The following NEGR1 variants were observed in gnomAD, a reference collection of about 807,000 sequenced individuals.
NEGR1 encodes the protein neuronal growth regulator 1, also known as IgLON family member 4.
A neutral mutation model predicts 40.9 loss-of-function variants in NEGR1; 10 were observed. The observed-to-expected ratio is 0.24, with a 90% CI of 0.15 to 0.42. The LOEUF is 0.42. Among genes scored for constraint, NEGR1 ranks in the 10% least tolerant of loss-of-function variants. The probability of loss-of-function intolerance (pLI) is 1.00; values close to 1 mark genes in which losing one functional copy is unlikely to be tolerated. For missense variants in NEGR1, 352 were observed against 438.9 expected, an observed-to-expected ratio of 0.80 and a Z score of 1.77; for synonymous variants, 185 against 166.8, an observed-to-expected ratio of 1.11 and a Z score of -0.84.
At chr1:71,762,788 G>A (rs1655990826) in intron 3 of NEGR1, among the ~76,000 whole-genome samples, 1 of 152,044 alleles carries the variant, frequency 6.6e-6, no homozygotes, top group South Asian at 2.1e-4. Flanking sequence ...TACAGAATTG[G>A]AAAATAGAAT....
At chr1:72,034,827 T>G (rs1354034808) in intron 1 of NEGR1, among the ~76,000 whole-genome samples, 1 of 152,174 alleles carries the variant, frequency 6.6e-6, no homozygotes, top group African/African-American at 2.4e-5. Flanking sequence ...GAATTTTCCT[T>G]TAATAAAACG....
chr1:71,636,478 A>G (rs1045219646), intron 4 of NEGR1, among the ~76,000 whole-genome samples: 13 of 152,142 alleles, frequency 8.5e-5, no homozygotes, highest in African/African-American at 2.7e-4. Context: ...CACTGAAAGT[A>G]TAGAATTATT....
At chr1:72,058,081 C>T (rs1463953493) in intron 1 of NEGR1, among the ~76,000 whole-genome samples, 1 of 151,418 alleles carries the variant, frequency 6.6e-6, no homozygotes, top group Non-Finnish European at 1.5e-5. Context: ...AGAACACTGA[C>T]CTAACAGGAC....
intron 4 of NEGR1, among the ~76,000 whole-genome samples, chr1:71,639,275 A>G (rs1484649736): frequency 6.6e-6 from 1 of 151,922 alleles, no homozygotes; most frequent in African/African-American, 2.4e-5. Flanking sequence ...GGCTTTGTCA[A>G]CTAGGTGAGT....
chr1:71,538,396 G>A (rs887059874), intron 6 of NEGR1, among the ~76,000 whole-genome samples: 2 of 151,700 alleles, frequency 1.3e-5, no homozygotes, highest in Non-Finnish European at 3.0e-5. Context: ...GTGTGTGTGA[G>A]TTATCTTTTA....
chr1:72,101,618 G>A (rs1648950035), intron 1 of NEGR1, among the ~76,000 whole-genome samples: 1 of 151,982 alleles, frequency 6.6e-6, no homozygotes, highest in Non-Finnish European at 1.5e-5. Context: ...TCAGAAGACT[G>A]TAGACTTTTT....
chr1:71,927,197 A>G (rs993048964), intron 2 of NEGR1, among the ~76,000 whole-genome samples: 4 of 152,198 alleles, frequency 2.6e-5, no homozygotes, highest in African/African-American at 9.6e-5. Context: ...ATGTAACCAT[A>G]GCAATTCTAG....
At chr1:71,591,239 G>A (rs1649489734) in intron 6 of NEGR1, among the ~76,000 whole-genome samples, 2 of 152,110 alleles carry the variant, frequency 1.3e-5, no homozygotes, top group South Asian at 2.1e-4. Context: ...AGAGAGAGAT[G>A]ATGAGAGTCT....
At chr1:71,628,747 T>C (rs6701711) in intron 4 of NEGR1, among the ~76,000 whole-genome samples, 4,026 of 152,094 alleles carry the variant, frequency 0.026, 119 homozygotes, top group Admixed American at 0.077. Flanking sequence ...CATGAACTCA[T>C]CCTTTTTTAT....
At chr1:71,841,993 A>G (rs538604083) in intron 2 of NEGR1, among the ~76,000 whole-genome samples, 2 of 152,274 alleles carry the variant, frequency 1.3e-5, no homozygotes, top group African/African-American at 4.8e-5. Flanking sequence ...CTGATCACAC[A>G]CTGCTACTTA....
intron 4 of NEGR1, among the ~76,000 whole-genome samples, chr1:71,689,730 C>G (rs1653187380): frequency 6.6e-6 from 1 of 151,274 alleles, no homozygotes; most frequent in South Asian, 2.1e-4. Context: ...CACTATACAT[C>G]TGAGTAGAAA....
chr1:72,001,705 A>G (rs1352357124), intron 1 of NEGR1, among the ~76,000 whole-genome samples: 1 of 151,072 alleles, frequency 6.6e-6, no homozygotes, highest in Admixed American at 6.7e-5. Flanking sequence ...AATCTTATAG[A>G]TAGTATAATA....
chr1:72,272,370 A>G (rs1158859237), intron 1 of NEGR1, among the ~76,000 whole-genome samples: 1 of 151,872 alleles, frequency 6.6e-6, no homozygotes, highest in African/African-American at 2.4e-5. Context: ...CTGATCAATG[A>G]CCAAATATAT....
intron 2 of NEGR1, among the ~76,000 whole-genome samples, chr1:71,908,103 C>A (rs756123009): frequency 2.2e-4 from 33 of 151,646 alleles, no homozygotes; most frequent in Non-Finnish European, 4.0e-4. Context: ...ACCTCAGCAT[C>A]ACACAATAAA....
chr1:71,954,643 T>C (rs1646103953), intron 1 of NEGR1, among the ~76,000 whole-genome samples: 1 of 152,054 alleles, frequency 6.6e-6, no homozygotes. Context: ...TAATGAACTT[T>C]AACTTGAAGA....
chr1:72,061,235 CA>C (rs1409200729), intron 1 of NEGR1, among the ~76,000 whole-genome samples: 2 of 151,766 alleles, frequency 1.3e-5, no homozygotes, highest in East Asian at 3.9e-4. Flanking sequence ...TTCTCTGGTC[CA>C]AATTAGCAAA....
At chr1:71,441,333 C>T (rs758284995) in intron 6 of NEGR1, among the ~76,000 whole-genome samples, 103 of 152,190 alleles carry the variant, frequency 6.8e-4, no homozygotes, top group Non-Finnish European at 9.0e-4. Context: ...CCATACCCTT[C>T]GCCATGTACT....
chr1:71,764,816 C>G (rs1656065163), intron 3 of NEGR1, among the ~76,000 whole-genome samples: 1 of 152,186 alleles, frequency 6.6e-6, no homozygotes, highest in Non-Finnish European at 1.5e-5. Context: ...GGTGAAAAAG[C>G]TTGATAATGG....
chr1:72,127,333 G>A (rs184833393), intron 1 of NEGR1, among the ~76,000 whole-genome samples: 1 of 151,512 alleles, frequency 6.6e-6, no homozygotes, highest in African/African-American at 2.4e-5. Flanking sequence ...GGGTGGTGGC[G>A]GGCGCCTGTA....
Sources: gnomAD v4.1 joint callset for allele counts (sites outside exome capture counted in the v4.1 genomes callset) on GRCh38, gnomAD v4.1.1 for gene constraint, MANE v1.5 for transcripts, NCBI Gene and HGNC (gene_info 2026-07-23, HGNC 2026-07-21) for gene names.